Variants in RGS17 observed in about 807,000 individuals in gnomAD.
The protein encoded by RGS17 is regulator of G-protein signaling 17.
In RGS17, 12 loss-of-function variants were observed where a neutral mutation model predicts 25.5. That is an observed-to-expected ratio of 0.47 (90% CI 0.30 to 0.76). RGS17 has a LOEUF of 0.76. Among genes scored for constraint, RGS17 ranks in the 30% least tolerant of loss-of-function variants. The pLI is 0.07. For synonymous variants in RGS17, 71 were observed against 76.9 expected (o/e 0.92, Z 0.40); for missense variants, 196 against 242.2 (o/e 0.81, Z 1.27).
At chr6:153,118,222 T>C (rs1309560894) in intron 1 of RGS17, among the ~76,000 whole-genome samples, 1 of 152,204 alleles carries the variant, frequency 6.6e-6, no homozygotes, top group Non-Finnish European at 1.5e-5. Flanking sequence ...CCCAGGAGTA[T>C]TCAGATGCCC....
In RGS17 at chr6:153,077,132, G is replaced by C. The variant is rs541284487; in HGVS notation, c.-25-33089C>G. 3.9e-5 allele frequency among the ~76,000 whole-genome samples: 6 copies of C among 152,260 alleles called. No homozygotes were observed. In the South Asian group the frequency reaches 1.2e-3, roughly 32 times the overall value. ...AGTCTTCCCACAAAGTATTTAACTT[G>C]AATATCACCAAATTTCTAGACCTAA... is the stretch of plus-strand genomic sequence containing the variant. On this transcript the variant is annotated intron_variant, in intron 1 of 4. Transcript: ENST00000206262.
chr6:153,008,581 T>C lies in RGS17; in HGVS notation c.*2993A>G, dbSNP rs916907387. ...ATTTATATATACATAATCTGTATCC[T>C]CTACTTTCTTTTATAGATACATCTA... On this transcript the variant is annotated 3_prime_UTR_variant, in exon 5 of 5. Coordinates refer to ENST00000206262, the MANE Select transcript of RGS17 (RefSeq NM_012419.5). The C allele has an allele frequency of 6.6e-6, 1 of 152,226 alleles. No individual in the cohort carries two copies. The highest frequency in any genetic ancestry group is 1.5e-5 in the Non-Finnish European group (1 of 68,032). 9.4% of individuals were successfully genotyped at this position (152,226 alleles called of 1,614,324 possible).
chr6:153,070,591 G>T (rs1179145500), intron 1 of RGS17, among the ~76,000 whole-genome samples: 2 of 151,366 alleles, frequency 1.3e-5, no homozygotes, highest in African/African-American at 4.9e-5. Flanking sequence ...CAAGAGTTTT[G>T]ATATTCTTGG....
Position 153,030,018 on chromosome 6 carries a change from G to A in RGS17, c.120-3475C>T, listed in dbSNP as rs1473191400. On this transcript the variant is annotated intron_variant, in intron 2 of 4. Transcript: ENST00000206262. ...ACACATACACAGTGCTCACTGTGAG[G>A]GTCTTGATCAAACCTTAAATACTTT... Among the ~76,000 whole-genome samples, 3 of 152,146 alleles carry A rather than the reference G, an allele frequency of 2.0e-5. No homozygotes were observed. In the East Asian group the frequency reaches 5.8e-4, roughly 29 times the overall value.
At chr6:153,068,036 T>C (rs935571103) in intron 1 of RGS17, among the ~76,000 whole-genome samples, 7 of 152,054 alleles carry the variant, frequency 4.6e-5, no homozygotes, top group African/African-American at 1.7e-4. Context: ...TTGACAAAGG[T>C]ACCAAGAACA....
Position 153,130,691 on chromosome 6 carries a change from C to T in RGS17, c.-26+433G>A, listed in dbSNP as rs1777775896. On this transcript the variant is annotated intron_variant, in intron 1 of 4. Transcript: ENST00000206262. The surrounding 1 kb of genome is among the most constrained non-coding windows in gnomAD (Gnocchi z 6.4). ...CACATTCTCCTCGTTCCCAACCAACCGCACAAAACCCGCAACACCTCGCGT... is the reference window on the plus strand; with the variant it reads ...CACATTCTCCTCGTTCCCAACCAACTGCACAAAACCCGCAACACCTCGCGT... 6.6e-6 allele frequency among the ~76,000 whole-genome samples: 1 copy of T among 152,156 alleles called. No individual in the cohort carries two copies. Among genetic ancestry groups the T allele is most frequent in the South Asian group, 2.1e-4 (1 of 4,832 alleles).
intron 2 of RGS17, among the ~76,000 whole-genome samples, chr6:153,038,731 C>T (rs1358015177): frequency 6.6e-6 from 1 of 152,106 alleles, no homozygotes; most frequent in South Asian, 2.1e-4. Context: ...CAAAAAATAT[C>T]CTTTGACTTT....
At position 153,009,255 on chromosome 6, in the gene RGS17, T is replaced by G. The variant is rs1201210957; in HGVS notation, c.*2319A>C. On this transcript the variant is annotated 3_prime_UTR_variant, in exon 5 of 5. Transcript: ENST00000206262. ...ATATAGTAACAACGAGAATATAAAG[T>G]CTACATTTAAAAAGATGGATGCATG... is the stretch of plus-strand genomic sequence containing the variant. 1 of 152,136 alleles carries G rather than the reference T, an allele frequency of 6.6e-6. No individual in the cohort carries two copies. The highest frequency in any genetic ancestry group is 1.5e-5 in the Non-Finnish European group (1 of 67,978). 9.4% of individuals were successfully genotyped at this position (152,136 alleles called of 1,614,324 possible).
intron 2 of RGS17, among the ~76,000 whole-genome samples, chr6:153,029,362 G>T (rs1779336994): frequency 6.6e-6 from 1 of 152,198 alleles, no homozygotes; most frequent in Non-Finnish European, 1.5e-5. Context: ...GGAGAAAATA[G>T]ACAAGGGATT....
chr6:153,066,203 C>T (rs908786432), intron 1 of RGS17, among the ~76,000 whole-genome samples: 1 of 152,086 alleles, frequency 6.6e-6, no homozygotes, highest in South Asian at 2.1e-4. Context: ...TTCTTAGACA[C>T]ATACAACCTA....
chr6:153,055,808 G>T (rs780265281), intron 1 of RGS17, among the ~76,000 whole-genome samples: 58 of 152,270 alleles, frequency 3.8e-4, no homozygotes, highest in Non-Finnish European at 7.5e-4. Flanking sequence ...TATCTTCCAA[G>T]AAATGAGGGG....
At chr6:153,033,097 TTTCTTCATTCTCTGA>T (rs1438245947) in intron 2 of RGS17, among the ~76,000 whole-genome samples, 1 of 152,322 alleles carries the variant, frequency 6.6e-6, no homozygotes, top group East Asian at 1.9e-4. Context: ...TGAAGACAAA[TTTCTTCATTCTCTGA>T]TTCTCTCTCT....
At chr6:153,021,568 C>T (rs1779248511) in intron 4 of RGS17, among the ~76,000 whole-genome samples, 1 of 152,052 alleles carries the variant, frequency 6.6e-6, no homozygotes, top group Admixed American at 6.6e-5. Flanking sequence ...TTTGTTTTTG[C>T]CATTAAACAA....
intron 2 of RGS17, among the ~76,000 whole-genome samples, chr6:153,028,535 C>T (rs1237457425): frequency 2.0e-5 from 3 of 152,050 alleles, no homozygotes; most frequent in Admixed American, 6.6e-5. Flanking sequence ...AGAGGAGATT[C>T]ATGAATGAGT....
chr6:153,052,848 G>C (rs924033110), intron 1 of RGS17, among the ~76,000 whole-genome samples: 2 of 152,018 alleles, frequency 1.3e-5, no homozygotes, highest in African/African-American at 2.4e-5. Flanking sequence ...GCCTATGGAC[G>C]GGGTCATTAG....
chr6:153,060,793 A>G, intron 1 of RGS17, among the ~76,000 whole-genome samples: 1 of 152,118 alleles, frequency 6.6e-6, no homozygotes, highest in East Asian at 1.9e-4. Flanking sequence ...TAAATCTATC[A>G]CAATAAATCT....
At chr6:153,100,280 A>C (rs760760606) in intron 1 of RGS17, among the ~76,000 whole-genome samples, 1 of 152,206 alleles carries the variant, frequency 6.6e-6, no homozygotes, top group Non-Finnish European at 1.5e-5. Context: ...GTAAGAGGCA[A>C]TAATAAACTC....
intron 4 of RGS17, among the ~76,000 whole-genome samples, chr6:153,015,961 C>A (rs1779180152): frequency 6.6e-6 from 1 of 151,998 alleles, no homozygotes; most frequent in Admixed American, 6.6e-5. Flanking sequence ...CCAAGCATAT[C>A]TTTTATGTGC....
chr6:153,029,682 C>A (rs1779341644), intron 2 of RGS17, among the ~76,000 whole-genome samples: 1 of 151,966 alleles, frequency 6.6e-6, no homozygotes, highest in African/African-American at 2.4e-5. Flanking sequence ...GCTCCGCCTC[C>A]CGGGTTCAAG....
Sources: gnomAD v4.1 joint callset for allele counts (sites outside exome capture counted in the v4.1 genomes callset) on GRCh38, gnomAD v4.1.1 for gene constraint, Gnocchi (gnomAD v3.1) non-coding constraint, MANE v1.5 for transcripts, NCBI Gene and HGNC (gene_info 2026-07-23, HGNC 2026-07-21) for gene names.